GRB10: variants seen among roughly 807,000 people sequenced by gnomAD.
GRB10 encodes growth factor receptor-bound protein 10.
GRB10 carries 20 observed loss-of-function variants against 80.9 expected under a neutral mutation model. That is an observed-to-expected ratio of 0.25 (90% CI 0.17 to 0.36). The LOEUF is 0.36. Among genes scored for constraint, GRB10 ranks in the 10% least tolerant of loss-of-function variants. The pLI, the probability that GRB10 is intolerant of heterozygous loss-of-function variation, is 1.00. For synonymous variants in GRB10, 291 were observed against 291.5 expected (o/e 1.00, Z 0.02); for missense variants, 548 against 747.7 (o/e 0.73, Z 3.12).
intron 5 of GRB10, among the ~76,000 whole-genome samples, chr7:50,698,131 T>C (rs1221834789): frequency 1.3e-5 from 2 of 152,198 alleles, no homozygotes; most frequent in Non-Finnish European, 1.5e-5. Context: ...TCTTTGCCAG[T>C]TTTTCTATGT....
chr7:50,741,273 G>T (rs2071684191), intron 3 of GRB10, among the ~76,000 whole-genome samples: 1 of 152,038 alleles, frequency 6.6e-6, no homozygotes, highest in Non-Finnish European at 1.5e-5. Flanking sequence ...TGAAAAACAG[G>T]CATTTGCAAA....
chr7:50,652,770 AT>A (rs1165212780), intron 7 of GRB10, among the ~76,000 whole-genome samples: 1 of 152,142 alleles, frequency 6.6e-6, no homozygotes, highest in Non-Finnish European at 1.5e-5. Context: ...TTCTATCAAA[AT>A]GTTTCTTTTT....
chr7:50,767,194 G>C (rs893292577), intron 2 of GRB10, among the ~76,000 whole-genome samples: 3 of 152,166 alleles, frequency 2.0e-5, no homozygotes, highest in Non-Finnish European at 2.9e-5. Context: ...CCCACTGCCT[G>C]GCTGCCGGGA....
intron 7 of GRB10, among the ~76,000 whole-genome samples, chr7:50,651,255 G>A (rs537074843): frequency 1.3e-5 from 2 of 152,146 alleles, no homozygotes; most frequent in Non-Finnish European, 2.9e-5. Context: ...TCACAGTTTC[G>A]CAGAACAGAA....
At chr7:50,678,050 T>C (rs2153645399) in intron 5 of GRB10, among the ~76,000 whole-genome samples, 1 of 152,352 alleles carries the variant, frequency 6.6e-6, no homozygotes. Context: ...TTTCTCTCTA[T>C]GCATTCCTAA....
intron 2 of GRB10, chr7:50,761,992 T>A (rs1002807912): frequency 6.6e-6 from 1 of 152,184 alleles, no homozygotes; most frequent in Non-Finnish European, 1.5e-5. Context: ...GCCGAGTAGA[T>A]GCTGCCGTGC....
At chr7:50,710,675 G>A (rs114516836) in intron 4 of GRB10, among the ~76,000 whole-genome samples, 1,936 of 152,204 alleles carry the variant, frequency 0.013, 49 homozygotes, top group African/African-American at 0.044. Flanking sequence ...GCTGGACACT[G>A]GCTCAGATCC....
upstream of GRB10, among the ~76,000 whole-genome samples, chr7:50,786,371 CA>C (rs1345484397): frequency 6.6e-6 from 1 of 152,194 alleles, no homozygotes; most frequent in Admixed American, 6.5e-5. Context: ...ATTCCAGCTT[CA>C]ATGGGCCCTC....
At chr7:50,707,542 T>A (rs1041012868) in intron 4 of GRB10, among the ~76,000 whole-genome samples, 2 of 152,244 alleles carry the variant, frequency 1.3e-5, no homozygotes, top group Non-Finnish European at 2.9e-5. Flanking sequence ...GTCATTTTCT[T>A]CCAAGCAAAC....
intron 2 of GRB10, among the ~76,000 whole-genome samples, chr7:50,759,753 C>T (rs1359258673): frequency 6.6e-6 from 1 of 152,144 alleles, no homozygotes; most frequent in Non-Finnish European, 1.5e-5. Context: ...TACAGAAAGG[C>T]TCAGCAGCAA....
intron 7 of GRB10, among the ~76,000 whole-genome samples, chr7:50,640,095 C>G (rs920595426): frequency 6.6e-6 from 1 of 152,202 alleles, no homozygotes; most frequent in African/African-American, 2.4e-5. Context: ...GCTGAAGATA[C>G]AACCTGAGGG....
At chr7:50,639,237 C>T (rs1339704489) in intron 7 of GRB10, among the ~76,000 whole-genome samples, 2 of 152,096 alleles carry the variant, frequency 1.3e-5, no homozygotes, top group Non-Finnish European at 2.9e-5. Context: ...ACCCCCGAGT[C>T]TAAAATTTAA....
Position 50,735,983 on chromosome 7 carries a change from C to G in GRB10, c.-46-3615G>C, listed in dbSNP as rs116432163. Among the ~76,000 whole-genome samples, 224 of 152,308 alleles carry G rather than the reference C, an allele frequency of 1.5e-3. 1 individual carries two copies. The highest frequency in any genetic ancestry group is 5.2e-3 in the African/African-American group (218 of 41,554). On this transcript the variant is annotated intron_variant, in intron 3 of 18. Coordinates refer to ENST00000401949, the MANE Select transcript of GRB10 (RefSeq NM_001350814.2). ...AGAACAACACGGAGAACTCACACTT[C>G]CCGATTTCAAAACTTACTAACGGCT...
intron 6 of GRB10, among the ~76,000 whole-genome samples, chr7:50,671,013 A>AT (rs2060301181): frequency 6.6e-6 from 1 of 152,192 alleles, no homozygotes; most frequent in African/African-American, 2.4e-5. Context: ...CAGTATGACG[A>AT]ATCAGAAGCA....
intron 4 of GRB10, among the ~76,000 whole-genome samples, chr7:50,715,483 CT>C (rs1194086724): frequency 2.0e-5 from 3 of 152,178 alleles, no homozygotes; most frequent in Admixed American, 1.3e-4. Context: ...CCCAACCTTG[CT>C]GTGGGCCATA....
At chr7:50,674,788 G>T (rs1052280098) in intron 5 of GRB10, 130 bp from the exon 6 acceptor site, 7 of 757,004 alleles carry the variant, frequency 9.2e-6, no homozygotes, top group Non-Finnish European at 1.6e-5. Flanking sequence ...GGGGTAGAGG[G>T]GAAACACCAA....
At chr7:50,721,223 T>C (rs1028750673) in intron 4 of GRB10, among the ~76,000 whole-genome samples, 4 of 152,226 alleles carry the variant, frequency 2.6e-5, no homozygotes, top group African/African-American at 9.6e-5. Flanking sequence ...AAATATTAAA[T>C]GGACAATTCC....
At chr7:50,737,299 T>C (rs1223079743) in intron 3 of GRB10, among the ~76,000 whole-genome samples, 2 of 152,204 alleles carry the variant, frequency 1.3e-5, no homozygotes, top group Non-Finnish European at 2.9e-5. Context: ...ATCCCCCTAG[T>C]GCTATCTCAT....
chr7:50,676,656 G>C (rs2237475), intron 5 of GRB10, among the ~76,000 whole-genome samples: 85,642 of 151,912 alleles, frequency 0.56, 24,654 homozygotes, highest in African/African-American at 0.66. Context: ...GTTTTAAAGG[G>C]CTCCCCTCAT....
Sources: gnomAD v4.1 joint callset for allele counts (sites outside exome capture counted in the v4.1 genomes callset) on GRCh38, gnomAD v4.1.1 for gene constraint, MANE v1.5 for transcripts, NCBI Gene and HGNC (gene_info 2026-07-23, HGNC 2026-07-21) for gene names.